The following CPEB4 variants were observed in gnomAD, a reference collection of about 807,000 sequenced individuals.
CPEB4 encodes the protein cytoplasmic polyadenylation element binding protein 4, also known as cytoplasmic polyadenylation element-binding protein 4.
A neutral mutation model predicts 72.5 loss-of-function variants in CPEB4; 12 were observed. The ratio of observed to expected loss-of-function variants is 0.17; its 90% confidence interval spans 0.11 to 0.27. The LOEUF (loss-of-function observed/expected upper bound fraction) is 0.27. Ranked by LOEUF, CPEB4 falls within the 10% of genes least tolerant of loss-of-function variation. CPEB4 has a pLI of 1.00. For synonymous variants in CPEB4, 302 were observed against 326.3 expected, an observed-to-expected ratio of 0.93 and a Z score of 0.80; for missense variants, 614 against 908.5, an observed-to-expected ratio of 0.68 and a Z score of 4.17.
rs1755720033 is a variant in CPEB4 at position 173,889,323 on chromosome 5, A to G, written c.-411A>G. ...AAACCATATGTGATTGTTAAATTATATATATCTATATTTTTACTCCGCGCA... is the reference window on the plus strand; with the variant it reads ...AAACCATATGTGATTGTTAAATTATGTATATCTATATTTTTACTCCGCGCA... On this transcript the variant is annotated 5_prime_UTR_variant, in exon 1 of 10. The change creates a new upstream start codon in the 5' untranslated region. Transcript: ENST00000265085. 6.5e-6 allele frequency: 1 copy of G among 154,922 alleles called. No individual in the cohort carries two copies. The highest frequency in any genetic ancestry group is 1.4e-5 in the Non-Finnish European group (1 of 69,978). 9.6% of individuals were successfully genotyped at this position (154,922 alleles called of 1,614,324 possible). A position where few individuals can be genotyped will look rare whatever the true frequency, so the allele number is the denominator to read the frequency against.
At chr5:173,916,785 G>A (rs182549925) in intron 2 of CPEB4, among the ~76,000 whole-genome samples, 2 of 152,254 alleles carry the variant, frequency 1.3e-5, no homozygotes, top group African/African-American at 4.8e-5. Context: ...TGAAACTCAA[G>A]TTGAAAGTTT....
At chr5:173,949,726 T>C (rs1347413651) in intron 6 of CPEB4, 129 bp downstream of exon 6, 1 of 713,830 alleles carries the variant, frequency 1.4e-6, no homozygotes, top group Non-Finnish European at 2.3e-6. Flanking sequence ...AAATGCTCTT[T>C]AAAATTTCAA....
chr5:173,890,820 G>A lies in CPEB4; in HGVS notation c.1087G>A (p.Asp363Asn). 1 of 1,613,986 alleles carries A rather than the reference G, an allele frequency of 6.2e-7. No homozygotes were observed. Among genetic ancestry groups the A allele is most frequent in the South Asian group, 1.1e-5 (1 of 91,068 alleles). Residue 363 changes from aspartate (D) to asparagine (N), a missense_variant, in exon 1 of 10, where the codon GAT becomes AAT. This residue lies in a region of CPEB4 where 458 missense variants were observed against 548.6 expected (regional missense o/e 0.83). Coordinates refer to ENST00000265085, the MANE Select transcript of CPEB4 (RefSeq NM_030627.4). ...CTTTGCACCTAAATCCTGGATGGAA[G>A]ATAGCTTGAACAGGGCTGACAACAT... is the stretch of plus-strand genomic sequence containing the variant. ...SAFAPKSWMEDSLNRADNIFP... is the reference protein window; with the variant it reads ...SAFAPKSWMENSLNRADNIFP...
chr5:173,911,522 A>G (rs1225831139), intron 2 of CPEB4, among the ~76,000 whole-genome samples: 1 of 152,070 alleles, frequency 6.6e-6, no homozygotes, highest in Admixed American at 6.6e-5. Flanking sequence ...TCGGCCTCCC[A>G]AAGTTATTTT....
chr5:173,939,824 A>C (rs1469608525), intron 3 of CPEB4, among the ~76,000 whole-genome samples: 1 of 151,922 alleles, frequency 6.6e-6, no homozygotes, highest in African/African-American at 2.4e-5. Flanking sequence ...TTATAAATCA[A>C]AACTAGGCTG....
intron 3 of CPEB4, among the ~76,000 whole-genome samples, chr5:173,936,717 T>C (rs1248629525): frequency 6.6e-6 from 1 of 152,176 alleles, no homozygotes; most frequent in East Asian, 1.9e-4. Context: ...GAGATAGACA[T>C]TGGATTAAAA....
At position 173,890,253 on chromosome 5, in the gene CPEB4, G is replaced by C; in HGVS notation, c.520G>C (p.Ala174Pro). The change falls in exon 1 of 10, where the codon GCG becomes CCG. Residue 174 changes from alanine to proline, a missense_variant. Transcript: ENST00000265085. ...SLTGFSNWSA[A>P]IAPSSSTIIN... ...TACTGGTTTCAGTAACTGGTCAGCA[G>C]CGATAGCGCCTTCCTCCTCTACAAT... 6.2e-7 allele frequency: 1 copy of C among 1,614,100 alleles called. No individual in the cohort carries two copies. Among genetic ancestry groups the C allele is most frequent in the Non-Finnish European group, 8.5e-7 (1 of 1,179,986 alleles).
intron 2 of CPEB4, among the ~76,000 whole-genome samples, chr5:173,913,796 G>A (rs1258040304): frequency 3.3e-5 from 5 of 152,152 alleles, no homozygotes; most frequent in African/African-American, 1.2e-4. Flanking sequence ...AGACTGCAAC[G>A]TGATGGAATA....
intron 2 of CPEB4, among the ~76,000 whole-genome samples, chr5:173,916,123 T>G (rs1218306829): frequency 6.6e-6 from 1 of 152,242 alleles, no homozygotes; most frequent in African/African-American, 2.4e-5. Flanking sequence ...AGCAAAATTA[T>G]TGAGAGAACA....
chr5:173,942,564 ATAAGGGATTAAC>A (rs1757884726), intron 3 of CPEB4, among the ~76,000 whole-genome samples: 1 of 152,372 alleles, frequency 6.6e-6, no homozygotes, highest in South Asian at 2.1e-4. Flanking sequence ...ATTTTCTCTT[ATAAGGGATTAAC>A]TGAGGAATAC....
chr5:173,953,681 G>T (rs1047983619), intron 9 of CPEB4, among the ~76,000 whole-genome samples: 1 of 150,548 alleles, frequency 6.6e-6, no homozygotes, highest in Non-Finnish European at 1.5e-5. Flanking sequence ...ACATAGGGAA[G>T]ACCTCAGCAA....
In CPEB4 at chr5:173,959,362, C is replaced by G. The variant is rs1300854214; in HGVS notation, c.*3225C>G. ...TATATATACTTCTCCATACACAGAC[C>G]TCTGCAGAATGCAAAATAAAACTTG... On this transcript the variant is annotated 3_prime_UTR_variant, in exon 10 of 10. Coordinates refer to ENST00000265085, the MANE Select transcript of CPEB4 (RefSeq NM_030627.4). The G allele has an allele frequency of 1.3e-5, 2 of 152,742 alleles. No homozygotes were observed. Among genetic ancestry groups the G allele is most frequent in the Admixed American group, 1.3e-4 (2 of 15,274 alleles). The allele number at this position is 152,742 out of a possible 1,614,324, so 9.5% of individuals were successfully genotyped here. A position where few individuals can be genotyped will look rare whatever the true frequency, so the allele number is the denominator to read the frequency against.
intron 2 of CPEB4, among the ~76,000 whole-genome samples, chr5:173,923,340 TA>T (rs1371269371): frequency 1.2e-4 from 18 of 152,330 alleles, no homozygotes; most frequent in African/African-American, 4.1e-4. Flanking sequence ...TTAGTTTCTG[TA>T]GTCAGAGAAA....
intron 3 of CPEB4, among the ~76,000 whole-genome samples, chr5:173,937,797 G>T (rs1757683118): frequency 6.6e-6 from 1 of 152,156 alleles, no homozygotes; most frequent in African/African-American, 2.4e-5. Context: ...AACTAGAGTT[G>T]CATTCTCTGC....
intron 2 of CPEB4, among the ~76,000 whole-genome samples, chr5:173,916,266 T>C (rs1237594072): frequency 6.6e-6 from 1 of 152,228 alleles, no homozygotes; most frequent in Non-Finnish European, 1.5e-5. Flanking sequence ...AGAATATATG[T>C]TGCTTTCAGA....
intron 7 of CPEB4, among the ~76,000 whole-genome samples, chr5:173,951,131 C>T (rs1758202461): frequency 6.6e-6 from 1 of 152,272 alleles, no homozygotes; most frequent in South Asian, 2.1e-4. Context: ...CAATCCCCAT[C>T]CGTATTTGAA....
intron 2 of CPEB4, among the ~76,000 whole-genome samples, chr5:173,931,400 G>A (rs1270195727): frequency 1.3e-5 from 2 of 152,202 alleles, no homozygotes; most frequent in African/African-American, 4.8e-5. Context: ...GTTTCCTAAA[G>A]GAATGTTTGT....
chr5:173,905,951 C>T (rs1018996168), intron 1 of CPEB4, among the ~76,000 whole-genome samples: 7 of 152,172 alleles, frequency 4.6e-5, no homozygotes, highest in South Asian at 2.1e-4. Flanking sequence ...TCATAAAATA[C>T]GACAGGCAGA....
chr5:173,945,027 C>G lies in CPEB4; in HGVS notation c.1343C>G (p.Pro448Arg), dbSNP rs1757971940. ...GFLDDGRGDQPLHSGLGSPHC... is the reference protein window; with the variant it reads ...GFLDDGRGDQRLHSGLGSPHC... ...TTGGATGATGGCCGTGGGGATCAGC[C>G]TCTTCATAGTGGCCTGGGTTCACCT... The change falls in exon 5 of 10, where the codon CCT (proline) becomes CGT (arginine). Residue 448 changes from proline (P) to arginine (R), a missense_variant. Pro to Arg is a moderately radical substitution (Grantham distance 103, BLOSUM62 -2). Coordinates refer to ENST00000265085, the MANE Select transcript of CPEB4 (RefSeq NM_030627.4). 2.5e-6 allele frequency: 4 copies of G among 1,614,030 alleles called. No individual in the cohort carries two copies. Among genetic ancestry groups the G allele is most frequent in the Non-Finnish European group, 3.4e-6 (4 of 1,179,932 alleles).
Sources: allele counts gnomAD v4.1 joint callset (sites outside exome capture counted in the v4.1 genomes callset), GRCh38; gene constraint gnomAD v4.1.1; regional missense constraint gnomAD v4.1.1; transcripts MANE v1.5; gene names NCBI Gene and HGNC (gene_info 2026-07-23, HGNC 2026-07-21).